TECRL: variants seen among roughly 807,000 people sequenced by gnomAD.
The protein encoded by TECRL is trans-2,3-enoyl-CoA reductase-like.
In TECRL, 63 loss-of-function variants were observed where a neutral mutation model predicts 52.8. The ratio of observed to expected loss-of-function variants is 1.19; its 90% CI spans 0.97 to 1.47. The LOEUF is 1.47. Among genes scored for constraint, TECRL ranks in the 40% most tolerant of loss-of-function variants. The probability of loss-of-function intolerance (pLI) is 0.00; values close to 1 mark genes in which losing one functional copy is unlikely to be tolerated. For missense variants in TECRL, 482 were observed against 429.6 expected (o/e 1.12, Z -1.08); for synonymous variants, 164 against 141.9 (o/e 1.16, Z -1.10).
chr4:64,372,153 G>T (rs777353676), intron 2 of TECRL, among the ~76,000 whole-genome samples: 7 of 151,742 alleles, frequency 4.6e-5, no homozygotes, highest in Non-Finnish European at 1.0e-4. Context: ...ACATTAGCGT[G>T]AAAATTTCTT....
intron 2 of TECRL, among the ~76,000 whole-genome samples, chr4:64,332,916 G>T (rs1270745091): frequency 6.6e-6 from 1 of 151,972 alleles, no homozygotes; most frequent in Non-Finnish European, 1.5e-5. Context: ...TTAAAGAAAA[G>T]TGAAAAAGCT....
chr4:64,309,228 T>C (rs1027113224), intron 6 of TECRL, among the ~76,000 whole-genome samples: 1 of 152,134 alleles, frequency 6.6e-6, no homozygotes. Flanking sequence ...AACAGGACAC[T>C]TTTTTTACAG....
intron 11 of TECRL, among the ~76,000 whole-genome samples, chr4:64,280,605 A>G (rs540605343): frequency 6.6e-6 from 1 of 152,286 alleles, no homozygotes; most frequent in Non-Finnish European, 1.5e-5. Context: ...TGGACATTAC[A>G]TATGTCCCTT....
chr4:64,381,724 T>G (rs554791382), intron 1 of TECRL, among the ~76,000 whole-genome samples: 1 of 152,168 alleles, frequency 6.6e-6, no homozygotes, highest in South Asian at 2.1e-4. Context: ...AAGTATACAT[T>G]TATTCCTGGA....
intron 2 of TECRL, among the ~76,000 whole-genome samples, chr4:64,348,264 G>GA (rs1720133278): frequency 6.6e-6 from 1 of 152,092 alleles, no homozygotes; most frequent in Non-Finnish European, 1.5e-5. Context: ...AGAAGAGAGA[G>GA]AAAAATAAAG....
At chr4:64,310,275 C>A (rs892767197) in intron 5 of TECRL, among the ~76,000 whole-genome samples, 1 of 152,064 alleles carries the variant, frequency 6.6e-6, no homozygotes, top group Non-Finnish European at 1.5e-5. Context: ...CTGAAACAGA[C>A]AATTTACAAG....
chr4:64,365,864 G>T (rs1341660614), intron 2 of TECRL, among the ~76,000 whole-genome samples: 1 of 151,898 alleles, frequency 6.6e-6, no homozygotes, highest in Admixed American at 6.6e-5. Flanking sequence ...TGTTTTCACA[G>T]AATTAGAATA....
chr4:64,302,751 C>A (rs1190438306), intron 7 of TECRL, among the ~76,000 whole-genome samples: 9 of 151,244 alleles, frequency 6.0e-5, no homozygotes. Context: ...TATATTAAAA[C>A]AAAAATTAAA....
chr4:64,322,823 T>C, intron 3 of TECRL, 31 bp from the exon 4 acceptor site: 2 of 1,481,906 alleles, frequency 1.3e-6, no homozygotes, highest in Non-Finnish European at 1.8e-6. Context: ...AAATTTTATT[T>C]TAATACAATT....
intron 2 of TECRL, among the ~76,000 whole-genome samples, chr4:64,344,499 G>A (rs1298674671): frequency 6.6e-6 from 1 of 152,124 alleles, no homozygotes; most frequent in Non-Finnish European, 1.5e-5. Flanking sequence ...TTTGCATTCA[G>A]ATTGGAAAGT....
At chr4:64,381,990 G>C (rs1049259227) in intron 1 of TECRL, among the ~76,000 whole-genome samples, 2 of 151,560 alleles carry the variant, frequency 1.3e-5, no homozygotes, top group Non-Finnish European at 2.9e-5. Flanking sequence ...AGAATTTTTG[G>C]AATAGTATGA....
downstream of TECRL, chr4:64,277,138 G>C: frequency 1.1e-6 from 1 of 885,032 alleles, no homozygotes. Flanking sequence ...CAACAGTAAG[G>C]GAATAACTGA....
intron 7 of TECRL, 111 bp from the exon 8 acceptor site, chr4:64,300,128 AC>A (rs1252174681): frequency 6.9e-6 from 5 of 719,728 alleles, no homozygotes; most frequent in Non-Finnish European, 1.1e-5. Flanking sequence ...AATCAATAGA[AC>A]TGTCTAGTAT....
Position 64,301,490 on chromosome 4 carries a change from G to A in TECRL, c.731-1473C>T, listed in dbSNP as rs577555576. On this transcript the variant is annotated intron_variant, in intron 7 of 11. Transcript: ENST00000381210. ...TCGCATGACAGGCACTGAACTTTGC[G>A]CTTGTGAGAAAGTACACACAAAGCC... is the stretch of plus-strand genomic sequence containing the variant. Among the ~76,000 whole-genome samples, 9 of 151,154 alleles carry A rather than the reference G, an allele frequency of 6.0e-5. No individual in the cohort carries two copies. In the East Asian group the frequency reaches 1.2e-3, roughly 20 times the overall value.
intron 9 of TECRL, among the ~76,000 whole-genome samples, chr4:64,284,860 G>A (rs1289115022): frequency 2.0e-5 from 3 of 152,010 alleles, no homozygotes; most frequent in Non-Finnish European, 4.4e-5. Flanking sequence ...TCCCAGTATT[G>A]GAACGTGAAT....
chr4:64,334,009 C>A (rs145308542), intron 2 of TECRL, among the ~76,000 whole-genome samples: 2 of 76,400 alleles, frequency 2.6e-5, no homozygotes, highest in East Asian at 3.5e-4. Context: ...CCGGCCTGGG[C>A]GACAGAGCGA....
rs144896593 is a variant in TECRL, at chr4:64,342,363, A to T, written c.287-13807T>A. Among the ~76,000 whole-genome samples, 737 of 152,012 alleles carry T rather than the reference A, an allele frequency of 4.8e-3. 10 individuals carry two copies. The highest frequency in any genetic ancestry group is 0.042 in the Admixed American group (644 of 15,232). The stretch of plus-strand genomic sequence containing the variant: ...ATGACACTGAAGAATGTGTGATGTG[A>T]TTTTATAATATTTAAATAGATGCAT... On this transcript the variant is annotated intron_variant, in intron 2 of 11. Coordinates refer to ENST00000381210, the MANE Select transcript of TECRL (RefSeq NM_001010874.5).
rs984680946 is a variant in TECRL, at chr4:64,277,754, C to A, written c.*2318G>T. On this transcript the variant is annotated 3_prime_UTR_variant, in exon 12 of 12. Coordinates refer to ENST00000381210, the MANE Select transcript of TECRL (RefSeq NM_001010874.5). ...TATAATCTGAGAATTGAAAATACTC[C>A]ATAGACTAACAAATCTAAAAATCAC... is the stretch of plus-strand genomic sequence containing the variant. The A allele has an allele frequency of 7.3e-5, 11 of 150,982 alleles. No individual in the cohort carries two copies. The highest frequency in any genetic ancestry group is 2.0e-4 in the Admixed American group (3 of 15,062). 9.4% of individuals were successfully genotyped at this position (150,982 alleles called of 1,614,324 possible). A position where few individuals can be genotyped will look rare whatever the true frequency, so the allele number is the denominator to read the frequency against.
intron 1 of TECRL, among the ~76,000 whole-genome samples, chr4:64,382,245 A>G (rs2109711240): frequency 7.2e-6 from 1 of 139,448 alleles, no homozygotes; most frequent in Admixed American, 7.5e-5. Flanking sequence ...AGTATTATGT[A>G]TATATAATAT....
Sources: gnomAD v4.1 joint callset for allele counts (sites outside exome capture counted in the v4.1 genomes callset) on GRCh38, gnomAD v4.1.1 for gene constraint, MANE v1.5 for transcripts, NCBI Gene and HGNC (gene_info 2026-07-23, HGNC 2026-07-21) for gene names.